LIPA: variants seen among roughly 807,000 people sequenced by gnomAD.
LIPA encodes lipase A, lysosomal acid type.
A neutral mutation model predicts 40.6 loss-of-function variants in LIPA; 26 were observed. The ratio of observed to expected loss-of-function variants is 0.64; its 90% confidence interval spans 0.47 to 0.89. The LOEUF (loss-of-function observed/expected upper bound fraction) is 0.89. Ranked by LOEUF, LIPA falls within the 40% of genes least tolerant of loss-of-function variation. LIPA has a pLI of 0.00. For missense variants in LIPA, 455 were observed against 479.6 expected, an observed-to-expected ratio of 0.95 and a Z score of 0.48; for synonymous variants, 188 against 168.4, an observed-to-expected ratio of 1.12 and a Z score of -0.90.
At chr10:89,338,701 C>A (rs1265559616) in intron 1 of LIPA, 1 of 1,613,544 alleles carries the variant, frequency 6.2e-7, no homozygotes, top group Non-Finnish European at 8.5e-7. Context: ...CCTTCCACAG[C>A]TGAAATGCCA....
At chr10:89,414,228 G>C (rs1841505879) in intron 1 of LIPA, among the ~76,000 whole-genome samples, 2 of 152,156 alleles carry the variant, frequency 1.3e-5, no homozygotes, top group South Asian at 4.1e-4. Flanking sequence ...GTTGCTTGTT[G>C]AATCAAAAGA....
upstream of LIPA, among the ~76,000 whole-genome samples, chr10:89,344,958 G>C (rs1843906069): frequency 6.6e-6 from 1 of 152,212 alleles, no homozygotes; most frequent in South Asian, 2.1e-4. Flanking sequence ...ACTGAGGACA[G>C]GAGTTAGAGA....
chr10:89,245,145 C>T (rs1281060086), intron 3 of LIPA, among the ~76,000 whole-genome samples: 4 of 152,144 alleles, frequency 2.6e-5, no homozygotes, highest in Non-Finnish European at 5.9e-5. Flanking sequence ...CAAAATAGTG[C>T]CATCTTTTGC....
At chr10:89,346,717 GAACATACCAGC>G (rs1298556965), upstream of LIPA, among the ~76,000 whole-genome samples, 3 of 152,288 alleles carry the variant, frequency 2.0e-5, no homozygotes, top group Admixed American at 6.5e-5. Context: ...GATTTATGTG[GAACATACCAGC>G]AACAAAATCC....
At chr10:89,317,438 C>G (rs1267691204) in intron 1 of LIPA, among the ~76,000 whole-genome samples, 1 of 151,988 alleles carries the variant, frequency 6.6e-6, no homozygotes, top group Non-Finnish European at 1.5e-5. Flanking sequence ...CTTCAGTAGC[C>G]AATTCATCAA....
intron 5 of LIPA, 103 bp from the exon 6 acceptor site, chr10:89,225,331 G>T: frequency 2.1e-6 from 3 of 1,404,382 alleles, no homozygotes; most frequent in Non-Finnish European, 3.0e-6. Context: ...GGAGGCCTGA[G>T]ACCCACGCAA....
chr10:89,244,015 G>C lies in LIPA; in HGVS notation c.229+1661C>G, dbSNP rs1010450374. ...AAAAGGAAGGAAACCAAGATCATAT[G>C]CTCGCTCTAGCATAAAATATATGTT... is the stretch of plus-strand genomic sequence containing the variant. On this transcript the variant is annotated intron_variant, in intron 3 of 9. Coordinates refer to ENST00000336233, the MANE Select transcript of LIPA (RefSeq NM_000235.4). 4.6e-5 allele frequency among the ~76,000 whole-genome samples: 7 copies of C among 152,276 alleles called. No homozygotes were observed. The East Asian group carries it at 1.3e-3, about 29-fold the overall frequency.
chr10:89,275,258 C>A (rs1342813576), intron 1 of LIPA, among the ~76,000 whole-genome samples: 1 of 152,192 alleles, frequency 6.6e-6, no homozygotes, highest in Admixed American at 6.5e-5. Flanking sequence ...TGGGTTAACT[C>A]CTTGGTGTAC....
intron 1 of LIPA, among the ~76,000 whole-genome samples, chr10:89,250,062 C>CTTTTCTT (rs769342298): frequency 7.4e-5 from 10 of 134,886 alleles, no homozygotes; most frequent in Admixed American, 1.5e-4. Flanking sequence ...CTCTGAAATT[C>CTTTTCTT]TTTTCTTTTT....
At chr10:89,403,118 A>G (rs1297384381) in intron 2 of LIPA, 1 of 1,614,142 alleles carries the variant, frequency 6.2e-7, no homozygotes, top group Admixed American at 1.7e-5. Context: ...TGCAGGAAAC[A>G]CCCACTTCTG....
chr10:89,271,554 G>A (rs1161553221), intron 1 of LIPA, among the ~76,000 whole-genome samples: 1 of 152,240 alleles, frequency 6.6e-6, no homozygotes, highest in Non-Finnish European at 1.5e-5. Context: ...GGGTAAGGAG[G>A]AGTATGGTGG....
At chr10:89,320,816 T>C (rs1254658220) in intron 1 of LIPA, among the ~76,000 whole-genome samples, 4 of 152,106 alleles carry the variant, frequency 2.6e-5, no homozygotes, top group Admixed American at 6.6e-5. Flanking sequence ...GACTTCAAAC[T>C]ATACTACAAG....
At chr10:89,402,625 A>C in intron 2 of LIPA, 1 of 1,614,240 alleles carries the variant, frequency 6.2e-7, no homozygotes, top group Non-Finnish European at 8.5e-7. Flanking sequence ...GCCCAGACTT[A>C]CCTGGACAAG....
chr10:89,230,369 T>C (rs1037209574), intron 3 of LIPA, among the ~76,000 whole-genome samples: 1 of 152,202 alleles, frequency 6.6e-6, no homozygotes, highest in Non-Finnish European at 1.5e-5. Context: ...TGCAGTGGCG[T>C]GATCTCTGCT....
chr10:89,339,856 C>G (rs1310546309), intron 1 of LIPA: 1 of 1,614,060 alleles, frequency 6.2e-7, no homozygotes, highest in Non-Finnish European at 8.5e-7. Context: ...GATCAAAGAC[C>G]AACCACAGAA....
intron 1 of LIPA, among the ~76,000 whole-genome samples, chr10:89,257,433 T>C (rs898125513): frequency 1.3e-5 from 2 of 152,026 alleles, no homozygotes; most frequent in Admixed American, 6.6e-5. Context: ...GCCAGACTGG[T>C]GAAATAAAGA....
chr10:89,231,466 T>G (rs1842841664), intron 3 of LIPA, among the ~76,000 whole-genome samples: 1 of 141,440 alleles, frequency 7.1e-6, no homozygotes, highest in African/African-American at 2.6e-5. Context: ...GAGTATAAAA[T>G]GATTCCCATA....
At chr10:89,372,004 G>C (rs1479765604) in intron 2 of LIPA, among the ~76,000 whole-genome samples, 1 of 152,144 alleles carries the variant, frequency 6.6e-6, no homozygotes, top group Non-Finnish European at 1.5e-5. Context: ...GCTAAACACT[G>C]AGTACATGTG....
chr10:89,355,914 G>T (rs1054171139), intron 2 of LIPA, among the ~76,000 whole-genome samples: 2 of 152,186 alleles, frequency 1.3e-5, no homozygotes, highest in African/African-American at 4.8e-5. Context: ...TCTGTGAATT[G>T]CTTGCCTTTT....
Sources: gnomAD v4.1 joint callset for allele counts (sites outside exome capture counted in the v4.1 genomes callset) on GRCh38, gnomAD v4.1.1 for gene constraint, MANE v1.5 for transcripts, NCBI Gene and HGNC (gene_info 2026-07-23, HGNC 2026-07-21) for gene names.